Variants in NBEAL2 observed in about 807,000 individuals in gnomAD.
The protein encoded by NBEAL2 is neurobeachin-like protein 2.
A neutral mutation model predicts 299.8 loss-of-function variants in NBEAL2; 160 were observed. The observed-to-expected ratio is 0.53, with a 90% confidence interval of 0.47 to 0.61. The LOEUF (loss-of-function observed/expected upper bound fraction) is 0.61, where lower values mean the gene tolerates loss of function less well. Among genes scored for constraint, NBEAL2 ranks in the 20% least tolerant of loss-of-function variants. The pLI is 0.00. For synonymous variants in NBEAL2, 1,493 were observed against 1,542.3 expected, an observed-to-expected ratio of 0.97 and a Z score of 0.75; for missense variants, 3,112 against 3,649.0, an observed-to-expected ratio of 0.85 and a Z score of 3.79.
chr3:46,986,564 A>G (rs77059927), intron 1 of NBEAL2, among the ~76,000 whole-genome samples: 5,284 of 152,226 alleles, frequency 0.035, 288 homozygotes, highest in African/African-American at 0.12. Context: ...TCAGGTGCTC[A>G]GTAGAGCTGC....
rs1287604057 is a variant in NBEAL2 at position 47,005,264 on chromosome 3, A to G, written c.6503A>G (p.His2168Arg). The change falls in exon 40 of 54, where the codon CAC (histidine) becomes CGC (arginine). Residue 2168 changes from histidine to arginine, a missense_variant. His to Arg is a conservative substitution (Grantham distance 29). This residue lies in a region of NBEAL2 where 521 missense variants were observed against 729.6 expected (regional missense o/e 0.71). Transcript: ENST00000450053. ...THYSNAAGVM[H>R]YLIRVEPFTS... Reference sequence around the variant, plus strand: ...TACTCCAATGCAGCAGGCGTGATGCACTACCTCATCCGCGTGGAGCCCTTC... The same window carrying G: ...TACTCCAATGCAGCAGGCGTGATGCGCTACCTCATCCGCGTGGAGCCCTTC... 1 of 1,613,328 alleles carries G rather than the reference A, an allele frequency of 6.2e-7. No individual in the cohort carries two copies. Among genetic ancestry groups the G allele is most frequent in the Non-Finnish European group, 8.5e-7 (1 of 1,179,870 alleles).
chr3:47,005,657 A>C lies in NBEAL2; in HGVS notation c.6691+38A>C, dbSNP rs765337875. On this transcript the variant is annotated intron_variant, in intron 41 of 53. Coordinates refer to ENST00000450053, the MANE Select transcript of NBEAL2 (RefSeq NM_015175.3). ...TGCTCACACTGGAGCGGGCAGGTGTAGGGATGGAGAGCAGATGGTGGAGTG... is the reference window on the plus strand; with the variant it reads ...TGCTCACACTGGAGCGGGCAGGTGTCGGGATGGAGAGCAGATGGTGGAGTG... The C allele has an allele frequency of 1.9e-6, 3 of 1,610,720 alleles. No homozygotes were observed. The Admixed American group carries it at 5.0e-5, about 27-fold the overall frequency.
chr3:47,009,179 G>A (rs760217726), intron 53 of NBEAL2, 40 bp from the exon 54 acceptor site: 27 of 1,558,968 alleles, frequency 1.7e-5, no homozygotes, highest in Admixed American at 3.8e-5. Context: ...GCGTGGCGCG[G>A]CGATCCCAGC....
Position 46,994,514 on chromosome 3 carries a change from TC to T in NBEAL2, c.1263del (p.Thr422ProfsTer50). 1.3e-6 allele frequency: 2 copies of T among 1,594,056 alleles called. No homozygotes were observed. Among genetic ancestry groups the T allele is most frequent in the South Asian group, 1.1e-5 (1 of 88,128 alleles). On this transcript the variant is annotated frameshift_variant, in exon 12 of 54. Transcript: ENST00000450053. LOFTEE classifies it high-confidence loss of function. ...HLQEVLQSHG[P>X]PTHRLLQELL... is the part of the protein sequence containing the mutation. The stretch of plus-strand genomic sequence containing the variant: ...TGCAGGAGGTTCTGCAGAGCCATGG[TC>T]CCCCCACCCATCGGCTGTTGCAAGA...
Position 47,005,094 on chromosome 3 carries a change from G to C in NBEAL2, c.6417G>C (p.Glu2139Asp). Residue 2139 changes from glutamate (E) to aspartate (D), a missense_variant and splice_region_variant, in exon 39 of 54, where the codon GAG (glutamate) becomes GAC (aspartate). Physicochemically the swap from Glu to Asp is conservative, Grantham distance 45. Coordinates refer to ENST00000450053, the MANE Select transcript of NBEAL2 (RefSeq NM_015175.3). ...CCAAGCATGCCCAGCTCGTGAGGGA[G>C]AAGTGAGCATGTGGGCAGGGCTGGG... ...VNPKHAQLVR[E>D]KYESFEDPAG... 3 of 1,613,816 alleles carry C rather than the reference G, an allele frequency of 1.9e-6. No individual in the cohort carries two copies. The South Asian group carries it at 3.3e-5, about 18-fold the overall frequency.
At position 46,988,755 on chromosome 3, in the gene NBEAL2, A is replaced by G. The variant is rs774109162; in HGVS notation, c.138A>G (p.Arg46=). Reference sequence around the variant, plus strand: ...TCTCACTGTCCTCTCTGGAGCCACGAAGGTGAGGCTGGATCTGCACTGAGG... The same window carrying G: ...TCTCACTGTCCTCTCTGGAGCCACGGAGGTGAGGCTGGATCTGCACTGAGG... ...KSISLSSLEP[R]RPEEAGAEVP... is the part of the protein sequence containing the mutation. Residue 46 remains arginine, a splice_region_variant and synonymous_variant, in exon 2 of 54, where the codon CGA becomes CGG. Transcript: ENST00000450053. The surrounding 1 kb of genome is among the most constrained non-coding windows in gnomAD (Gnocchi z 4.4). 1 of 1,613,198 alleles carries G rather than the reference A, an allele frequency of 6.2e-7. No individual in the cohort carries two copies. Among genetic ancestry groups the G allele is most frequent in the South Asian group, 1.1e-5 (1 of 91,072 alleles).
Position 47,005,241 on chromosome 3 carries a change from C to T in NBEAL2, c.6480C>T (p.Tyr2160=). ...ACAAGTTCCACTATGGCACCCACTACTCCAATGCAGCAGGCGTGATGCACT... is the reference window on the plus strand; with the variant it reads ...ACAAGTTCCACTATGGCACCCACTATTCCAATGCAGCAGGCGTGATGCACT... The part of the protein sequence containing the change: ...TIDKFHYGTH[Y]SNAAGVMHYL... Residue 2160 remains tyrosine, a synonymous_variant, in exon 40 of 54, where the codon TAC becomes TAT. Transcript: ENST00000450053. The T allele has an allele frequency of 1.9e-6, 3 of 1,613,636 alleles. No individual in the cohort carries two copies. The highest frequency in any genetic ancestry group is 2.5e-6 in the Non-Finnish European group (3 of 1,179,884).
In NBEAL2 at chr3:46,997,352, G is replaced by T. The variant is rs1347997301; in HGVS notation, c.2743G>T (p.Glu915Ter). 6.2e-7 allele frequency: 1 copy of T among 1,612,562 alleles called. No individual in the cohort carries two copies. Among genetic ancestry groups the T allele is most frequent in the Admixed American group, 1.7e-5 (1 of 59,950 alleles). ...CAAAGAGGCTGAAGCAGGTCCAGCT[G>T]AAACGCATGACCTCGTGGGTCCTGA... ...QPKEAEAGPA[E>*]THDLVGPELT... Residue 915 changes from glutamate (E) to a stop codon, truncating the protein, a stop_gained, in exon 19 of 54, where the codon GAA (glutamate) becomes TAA (stop). Transcript: ENST00000450053. LOFTEE classifies it high-confidence loss of function.
In NBEAL2 at chr3:47,007,680, A is replaced by T. The variant is rs371563140; in HGVS notation, c.7490A>T (p.Gln2497Leu). 1.1e-5 allele frequency: 18 copies of T among 1,609,340 alleles called. No individual in the cohort carries two copies. The South Asian group carries it at 1.7e-4, about 15-fold the overall frequency. The change falls in exon 48 of 54, where the codon CAG becomes CTG. Residue 2497 changes from glutamine to leucine, a missense_variant. By Grantham distance (113) the Gln-to-Leu change is moderately radical. This residue lies in a region of NBEAL2 where 348 missense variants were observed against 381.4 expected (regional missense o/e 0.91). Transcript: ENST00000450053. ...CTACCCCGTGGCAAGCTGTTGAGCC[A>T]GCTCAGCTGCCACCTTGGTATGAAC... ...TALPRGKLLS[Q>L]LSCHLDVVTC...
chr3:46,994,956 G>A (rs963991733), intron 12 of NBEAL2, 76 bp from the exon 13 acceptor site: 5 of 1,470,060 alleles, frequency 3.4e-6, no homozygotes, highest in Non-Finnish European at 4.5e-6. Flanking sequence ...CCGTAGGCAA[G>A]TAAATGGAGC....
chr3:47,006,280 G>A lies in NBEAL2; in HGVS notation c.7017+18G>A, dbSNP rs781740388. ...TGCTGAAGGTAAGGCCAGCTTAGAGGATAGTGGCCAGGGATGCCCATGCCA... is the reference window on the plus strand; with the variant it reads ...TGCTGAAGGTAAGGCCAGCTTAGAGAATAGTGGCCAGGGATGCCCATGCCA... On this transcript the variant is annotated intron_variant, in intron 44 of 53. Coordinates refer to ENST00000450053, the MANE Select transcript of NBEAL2 (RefSeq NM_015175.3). 6.2e-7 allele frequency: 1 copy of A among 1,611,776 alleles called. No homozygotes were observed.
rs370658699 is a variant in NBEAL2 at position 47,002,532 on chromosome 3, G to A, written c.5301+12G>A. On this transcript the variant is annotated intron_variant, in intron 32 of 53. Coordinates refer to ENST00000450053, the MANE Select transcript of NBEAL2 (RefSeq NM_015175.3). ...GTCGGGCCTTCCAGGTGTGCCACCC[G>A]GGGTAAGGGATGGGAAACTGCTCCA... The A allele has an allele frequency of 1.9e-5, 31 of 1,611,680 alleles. No individual in the cohort carries two copies. The highest frequency in any genetic ancestry group is 1.5e-4 in the South Asian group (14 of 91,012).
chr3:47,008,197 G>A lies in NBEAL2; in HGVS notation c.7719+11G>A, dbSNP rs2037603296. 1 of 1,613,904 alleles carries A rather than the reference G, an allele frequency of 6.2e-7. No homozygotes were observed. The highest frequency in any genetic ancestry group is 8.5e-7 in the Non-Finnish European group (1 of 1,179,822). ...GTGTCTGGATCTGAGGTGTGTGTAT[G>A]CATGTGCCCTGGGGAGGGTGAGTTT... On this transcript the variant is annotated intron_variant, in intron 50 of 53. Coordinates refer to ENST00000450053, the MANE Select transcript of NBEAL2 (RefSeq NM_015175.3).
In NBEAL2 at chr3:46,988,533, A is replaced by G; in HGVS notation, c.52-136A>G. The G allele has an allele frequency of 9.8e-6, 1 of 101,770 alleles. No homozygotes were observed. 6.3% of individuals were successfully genotyped at this position (101,770 alleles called of 1,614,324 possible). A position where few individuals can be genotyped will look rare whatever the true frequency, so the allele number is the denominator to read the frequency against. ...CCCACTCCCCTTCTCCACACCCTCC[A>G]CTCTGCCTTTAACCCCTTGTCCATG... On this transcript the variant is annotated intron_variant, in intron 1 of 53. Transcript: ENST00000450053. This position sits in a 1 kb window ranked among gnomAD's most constrained non-coding sequence, Gnocchi z 4.4.
At chr3:46,981,563 A>G (rs1430702773) in intron 1 of NBEAL2, among the ~76,000 whole-genome samples, 2 of 152,106 alleles carry the variant, frequency 1.3e-5, no homozygotes, top group Non-Finnish European at 2.9e-5. Flanking sequence ...TCCTGGCCCC[A>G]TTGGGTCCCC....
In NBEAL2 at chr3:47,005,228, A is replaced by T. The variant is rs1384812614; in HGVS notation, c.6467A>T (p.Tyr2156Phe). The T allele has an allele frequency of 1.5e-5, 25 of 1,613,554 alleles. No homozygotes were observed. The highest frequency in any genetic ancestry group is 2.0e-5 in the Non-Finnish European group (24 of 1,179,898). Reference sequence around the variant, plus strand: ...GCAGGGACCATTGACAAGTTCCACTATGGCACCCACTACTCCAATGCAGCA... The same window carrying T: ...GCAGGGACCATTGACAAGTTCCACTTTGGCACCCACTACTCCAATGCAGCA... Reference protein sequence around the residue: ...DPAGTIDKFHYGTHYSNAAGV... With the variant: ...DPAGTIDKFHFGTHYSNAAGV... Residue 2156 changes from tyrosine (Y) to phenylalanine (F), a missense_variant, in exon 40 of 54, where the codon TAT (tyrosine) becomes TTT (phenylalanine). Tyr to Phe is a conservative substitution (Grantham distance 22). Coordinates refer to ENST00000450053, the MANE Select transcript of NBEAL2 (RefSeq NM_015175.3).
At chr3:47,008,859 T>C (rs1450733421) in intron 52 of NBEAL2, 130 bp from the exon 53 acceptor site, 4 of 1,462,206 alleles carry the variant, frequency 2.7e-6, no homozygotes, top group South Asian at 2.4e-5. Context: ...GGAGATTTCT[T>C]TGTGTATAAG....
intron 1 of NBEAL2, among the ~76,000 whole-genome samples, chr3:46,981,202 TGGG>T (rs2035308687): frequency 1.3e-5 from 2 of 152,086 alleles, no homozygotes; most frequent in Admixed American, 1.3e-4. Flanking sequence ...CCCAGCACTT[TGGG>T]AGGCCGAGGC....
intron 1 of NBEAL2, among the ~76,000 whole-genome samples, chr3:46,984,519 C>T (rs1388886020): frequency 1.3e-5 from 2 of 152,236 alleles, no homozygotes; most frequent in African/African-American, 2.4e-5. Flanking sequence ...CATGGCCTAA[C>T]ATCCTCCAAG....
Sources: gnomAD v4.1 joint callset for allele counts (sites outside exome capture counted in the v4.1 genomes callset) on GRCh38, gnomAD v4.1.1 for gene constraint, gnomAD v4.1.1 regional missense constraint, Gnocchi (gnomAD v3.1) non-coding constraint, MANE v1.5 for transcripts, NCBI Gene and HGNC (gene_info 2026-07-23, HGNC 2026-07-21) for gene names.